Variants in BRINP1 observed in about 807,000 individuals in gnomAD.
BRINP1 encodes the protein BMP/retinoic acid-inducible neural-specific protein 1.
A neutral mutation model predicts 72.9 loss-of-function variants in BRINP1; 17 were observed. The observed-to-expected ratio is 0.23, with a 90% confidence interval of 0.16 to 0.35. The LOEUF is 0.35. Ranked by LOEUF, BRINP1 falls within the 10% of genes least tolerant of loss-of-function variation. The pLI is 1.00. For missense variants in BRINP1, 850 were observed against 1,001.6 expected (o/e 0.85, Z 2.04); for synonymous variants, 418 against 378.5 (o/e 1.10, Z -1.21).
chr9:119,310,225 G>A (rs1253790579), intron 2 of BRINP1, among the ~76,000 whole-genome samples: 3 of 152,112 alleles, frequency 2.0e-5, no homozygotes, highest in Non-Finnish European at 4.4e-5. Flanking sequence ...GGGGAGCTGG[G>A]TCAGCACCCG....
chr9:119,347,593 C>T (rs186344934), intron 1 of BRINP1, among the ~76,000 whole-genome samples: 16 of 152,148 alleles, frequency 1.1e-4, no homozygotes, highest in Admixed American at 8.5e-4. Flanking sequence ...TAAATGTAAA[C>T]AATTATCTGT....
At chr9:119,367,700 T>A (rs1373131141) in intron 1 of BRINP1, among the ~76,000 whole-genome samples, 1 of 152,198 alleles carries the variant, frequency 6.6e-6, no homozygotes, top group Non-Finnish European at 1.5e-5. Context: ...TGGAGCCAAG[T>A]GAGAGACGCG....
Position 119,172,498 on chromosome 9 carries a change from C to T in BRINP1, c.1146-4274G>A, listed in dbSNP as rs576343792. 1.9e-4 allele frequency among the ~76,000 whole-genome samples: 29 copies of T among 151,720 alleles called. No individual in the cohort carries two copies. In the East Asian group the frequency reaches 5.4e-3, roughly 28 times the overall value. ...ATTGTGGCAATAATCAATAGCTTACCAACCAAAAAGAGTCCAGGACCAGAT... is the reference window on the plus strand; with the variant it reads ...ATTGTGGCAATAATCAATAGCTTACTAACCAAAAAGAGTCCAGGACCAGAT... On this transcript the variant is annotated intron_variant, in intron 7 of 7. Transcript: ENST00000265922.
rs1270152905 is a variant in BRINP1, at chr9:119,208,910, G to A, written c.954C>T (p.Pro318=). 10 of 1,614,098 alleles carry A rather than the reference G, an allele frequency of 6.2e-6. No homozygotes were observed. Among genetic ancestry groups the A allele is most frequent in the Non-Finnish European group, 8.5e-6 (10 of 1,180,016 alleles). The change falls in exon 7 of 8, where the codon CCC becomes CCT. Residue 318 remains proline, a synonymous_variant. Transcript: ENST00000265922. ...DEFKSFMKRL[P]SNHFLTIGSI... is the part of the protein sequence containing the mutation. ...TTCCGATGGTCAGGAAGTGGTTGCT[G>A]GGGAGGCGCTTCATAAATGATTTAA... is the stretch of plus-strand genomic sequence containing the variant.
Position 119,218,442 on chromosome 9 carries a change from C to A in BRINP1, c.686-4287G>T, listed in dbSNP as rs79694016. 3.3e-5 allele frequency among the ~76,000 whole-genome samples: 5 copies of A among 152,086 alleles called. No individual in the cohort carries two copies. The East Asian group carries it at 9.8e-4, about 30-fold the overall frequency. ...ACAGGCATAAGCCACTGCACCCTAA[C>A]AGTCAAAGGAACTTTGAACTTTAAA... On this transcript the variant is annotated intron_variant, in intron 5 of 7. Coordinates refer to ENST00000265922, the MANE Select transcript of BRINP1 (RefSeq NM_014618.3).
At chr9:119,209,984 C>T (rs1829905923) in intron 6 of BRINP1, among the ~76,000 whole-genome samples, 2 of 152,198 alleles carry the variant, frequency 1.3e-5, no homozygotes, top group Admixed American at 6.5e-5. Flanking sequence ...AAGTTTCTGC[C>T]TCAGTTTGTG....
At chr9:119,282,798 G>A in intron 2 of BRINP1, 1 of 985,170 alleles carries the variant, frequency 1.0e-6, no homozygotes, top group Non-Finnish European at 1.2e-6. Context: ...TGTTTTTCAT[G>A]TTGAGTGAAA....
At chr9:119,317,759 C>T (rs1424608489) in intron 1 of BRINP1, among the ~76,000 whole-genome samples, 4 of 152,208 alleles carry the variant, frequency 2.6e-5, no homozygotes, top group African/African-American at 7.2e-5. Context: ...CTTCAGCAAC[C>T]TGACCACCCT....
chr9:119,302,559 G>C (rs935666751), intron 2 of BRINP1, among the ~76,000 whole-genome samples: 5 of 152,008 alleles, frequency 3.3e-5, no homozygotes, highest in Non-Finnish European at 7.4e-5. Context: ...GAAAGTGTAG[G>C]ATCCATCACC....
chr9:119,316,540 G>A (rs972168962), intron 1 of BRINP1, among the ~76,000 whole-genome samples: 9 of 152,100 alleles, frequency 5.9e-5, no homozygotes, highest in Non-Finnish European at 8.8e-5. Flanking sequence ...TTAAGTTGAC[G>A]CCAAATGCTC....
intron 1 of BRINP1, among the ~76,000 whole-genome samples, chr9:119,331,813 T>A (rs573934927): frequency 9.8e-5 from 15 of 152,346 alleles, no homozygotes; most frequent in African/African-American, 3.6e-4. Context: ...ACCACTTTGG[T>A]CAAAATCGCC....
At chr9:119,184,923 G>GGAAAT (rs1212790732) in intron 7 of BRINP1, among the ~76,000 whole-genome samples, 2 of 152,094 alleles carry the variant, frequency 1.3e-5, no homozygotes, top group Non-Finnish European at 2.9e-5. Context: ...AGTGAGAAAA[G>GGAAAT]GAAATAATAA....
intron 7 of BRINP1, among the ~76,000 whole-genome samples, chr9:119,187,131 G>T (rs1829631306): frequency 6.6e-6 from 1 of 151,656 alleles, no homozygotes; most frequent in Admixed American, 6.6e-5. Context: ...CCTCTGCTTG[G>T]TGGGAGAGCT....
At chr9:119,288,536 G>C (rs1830790198) in intron 2 of BRINP1, among the ~76,000 whole-genome samples, 1 of 151,834 alleles carries the variant, frequency 6.6e-6, no homozygotes, top group Non-Finnish European at 1.5e-5. Context: ...GCAAAATGAG[G>C]TCTTTTCATC....
At chr9:119,334,510 T>C (rs1831329944) in intron 1 of BRINP1, among the ~76,000 whole-genome samples, 1 of 152,142 alleles carries the variant, frequency 6.6e-6, no homozygotes, top group Non-Finnish European at 1.5e-5. Flanking sequence ...GGGTTATTTG[T>C]GGAGGATAAA....
rs542382589 is a variant in BRINP1 at position 119,295,895 on chromosome 9, G to A, written c.218+17243C>T. Among the ~76,000 whole-genome samples the A allele has an allele frequency of 9.0e-4, 137 of 152,228 alleles. 3 individuals are homozygous for A. The highest frequency in any genetic ancestry group is 2.8e-3 in the African/African-American group (116 of 41,538). On this transcript the variant is annotated intron_variant, in intron 2 of 7. Transcript: ENST00000265922. ...CCATATACAATAATCAACTCAAAAT[G>A]AATTAAGAACTTAAAGGTAAAACCA...
chr9:119,167,115 T>G lies in BRINP1; in HGVS notation c.2255A>C (p.Gln752Pro), dbSNP rs777360199. 6.2e-7 allele frequency: 1 copy of G among 1,611,064 alleles called. No homozygotes were observed. Among genetic ancestry groups the G allele is most frequent in the Non-Finnish European group, 8.5e-7 (1 of 1,177,818 alleles). The change falls in exon 8 of 8, where the codon CAG (glutamine) becomes CCG (proline). Residue 752 changes from glutamine to proline, a missense_variant. Gln to Pro is a moderately conservative substitution (Grantham distance 76, BLOSUM62 -1). Coordinates refer to ENST00000265922, the MANE Select transcript of BRINP1 (RefSeq NM_014618.3). This position sits in a 1 kb window ranked among gnomAD's most constrained non-coding sequence, Gnocchi z 4.3. Reference protein sequence around the residue: ...LDLYNTEILKQSDQMTAKLC With the variant: ...LDLYNTEILKPSDQMTAKLC ...GAGTTTGGCTGTCATCTGGTCCGACTGTTTGAGGATCTCCGTGTTGTACAG... is the reference window on the plus strand; with the variant it reads ...GAGTTTGGCTGTCATCTGGTCCGACGGTTTGAGGATCTCCGTGTTGTACAG...
At chr9:119,172,781 C>A (rs1237504507) in intron 7 of BRINP1, among the ~76,000 whole-genome samples, 1 of 152,068 alleles carries the variant, frequency 6.6e-6, no homozygotes, top group South Asian at 2.1e-4. Flanking sequence ...AGCTTATCCA[C>A]CACGATCAAG....
chr9:119,366,556 G>A (rs1317852579), intron 1 of BRINP1, among the ~76,000 whole-genome samples: 1 of 113,524 alleles, frequency 8.8e-6, no homozygotes, highest in Non-Finnish European at 1.8e-5. Flanking sequence ...GTGTGTGTGT[G>A]TGTGTCTTTC....
Sources: gnomAD v4.1 joint callset for allele counts (sites outside exome capture counted in the v4.1 genomes callset) on GRCh38, gnomAD v4.1.1 for gene constraint, Gnocchi (gnomAD v3.1) non-coding constraint, MANE v1.5 for transcripts, NCBI Gene and HGNC (gene_info 2026-07-23, HGNC 2026-07-21) for gene names.